C8B: variants seen among roughly 807,000 people sequenced by gnomAD.
C8B encodes complement component C8 beta chain.
A neutral mutation model predicts 64.6 loss-of-function variants in C8B; 67 were observed. The observed-to-expected ratio is 1.04, with a 90% CI of 0.85 to 1.27. The LOEUF (loss-of-function observed/expected upper bound fraction) is 1.27. C8B is among the 50% of genes most tolerant of loss of function. C8B has a pLI of 0.00. For synonymous variants in C8B, 284 were observed against 257.7 expected (o/e 1.10, Z -0.98); for missense variants, 790 against 725.2 (o/e 1.09, Z -1.03).
chr1:56,950,717 C>T (rs1416101204), intron 5 of C8B, among the ~76,000 whole-genome samples: 1 of 152,212 alleles, frequency 6.6e-6, no homozygotes, highest in Non-Finnish European at 1.5e-5. Context: ...CTTGACCTCT[C>T]CATGCCTCAG....
chr1:56,933,605 T>C, intron 9 of C8B, 117 bp from the exon 10 acceptor site: 1 of 839,838 alleles, frequency 1.2e-6, no homozygotes. Context: ...TGTGGGTTCC[T>C]ATGAAACTAG....
intron 9 of C8B, among the ~76,000 whole-genome samples, chr1:56,939,676 T>C (rs141330299): frequency 0.017 from 2,597 of 152,322 alleles, 73 homozygotes; most frequent in South Asian, 0.11. Flanking sequence ...TAGTTTAACA[T>C]TGTAAAACTC....
At chr1:56,956,670 G>C (rs1350098251) in intron 3 of C8B, 99 bp downstream of exon 3, 2 of 1,348,924 alleles carry the variant, frequency 1.5e-6, no homozygotes, top group Non-Finnish European at 2.1e-6. Flanking sequence ...GCTGCCCCAT[G>C]ACCCTGATCT....
chr1:56,959,316 A>G (rs1432643695), intron 2 of C8B, among the ~76,000 whole-genome samples: 1 of 152,248 alleles, frequency 6.6e-6, no homozygotes. Flanking sequence ...TTCACTGTGT[A>G]TTGAAGGTGA....
intron 1 of C8B, among the ~76,000 whole-genome samples, chr1:56,960,416 A>G (rs1165975531): frequency 6.6e-6 from 1 of 152,228 alleles, no homozygotes; most frequent in Non-Finnish European, 1.5e-5. Flanking sequence ...TAATTAATCC[A>G]ACAAATATTT....
intron 10 of C8B, among the ~76,000 whole-genome samples, chr1:56,932,552 C>T (rs1410536499): frequency 6.6e-6 from 1 of 152,046 alleles, no homozygotes; most frequent in Non-Finnish European, 1.5e-5. Context: ...ATGAGCTGAC[C>T]CCACTTGCTG....
intron 1 of C8B, among the ~76,000 whole-genome samples, chr1:56,962,742 C>T (rs1033890330): frequency 6.6e-6 from 1 of 152,178 alleles, no homozygotes; most frequent in African/African-American, 2.4e-5. Context: ...TTTTGCTCCC[C>T]CCACCTTACC....
At chr1:56,943,574 C>T (rs1308784567) in intron 8 of C8B, 122 bp downstream of exon 8, 5 of 1,123,732 alleles carry the variant, frequency 4.4e-6, no homozygotes, top group African/African-American at 1.5e-5. Context: ...AACAGAAGGA[C>T]ATAGTTGGCC....
chr1:56,962,129 G>T (rs1645188297), intron 1 of C8B, among the ~76,000 whole-genome samples: 1 of 152,208 alleles, frequency 6.6e-6, no homozygotes, highest in Non-Finnish European at 1.5e-5. Flanking sequence ...GTACACACTA[G>T]CTATTAAGAG....
intron 7 of C8B, 91 bp from the exon 8 acceptor site, chr1:56,943,915 G>A: frequency 1.4e-6 from 2 of 1,467,172 alleles, no homozygotes; most frequent in Non-Finnish European, 9.4e-7. Flanking sequence ...TAGCCCTGTT[G>A]AATGTCACAA....
intron 1 of C8B, among the ~76,000 whole-genome samples, chr1:56,962,281 T>C (rs1353807016): frequency 6.6e-6 from 1 of 152,218 alleles, no homozygotes; most frequent in African/African-American, 2.4e-5. Context: ...GGTGGCAATA[T>C]AATGAAGTAA....
At chr1:56,933,565 A>G in intron 9 of C8B, 77 bp from the exon 10 acceptor site, 1 of 1,241,770 alleles carries the variant, frequency 8.1e-7, no homozygotes, top group Non-Finnish European at 1.2e-6. Context: ...CTACAAAGGA[A>G]TGGACTGGGA....
In C8B at chr1:56,949,652, A is replaced by G; in HGVS notation, c.767T>C (p.Phe256Ser). The G allele has an allele frequency of 6.2e-7, 1 of 1,614,104 alleles. No individual in the cohort carries two copies. Among genetic ancestry groups the G allele is most frequent in the South Asian group, 1.1e-5 (1 of 91,064 alleles). ...AAATATTCCAGGTATTTTAAAACCA[A>G]AACTGAAACCAGACTTGCTTGCCAT... ...EKMASKSGFSFGFKIPGIFEL... is the reference protein window; with the variant it reads ...EKMASKSGFSSGFKIPGIFEL... The change falls in exon 6 of 12, where the codon TTT becomes TCT. Residue 256 changes from phenylalanine (F) to serine (S), a missense_variant. Coordinates refer to ENST00000371237, the MANE Select transcript of C8B (RefSeq NM_000066.4).
chr1:56,932,781 C>T (rs933101266), intron 10 of C8B, among the ~76,000 whole-genome samples: 6 of 152,168 alleles, frequency 3.9e-5, no homozygotes, highest in Non-Finnish European at 7.4e-5. Flanking sequence ...TCTGCCTTGA[C>T]TCCTGCTGGT....
chr1:56,954,674 A>T lies in C8B; in HGVS notation c.533+12T>A, dbSNP rs1023053865. 3 of 1,614,008 alleles carry T rather than the reference A, an allele frequency of 1.9e-6. No homozygotes were observed. In the African/African-American group the frequency reaches 4.0e-5, roughly 22 times the overall value. ...GCCTTCCCATCTACGCCACAGAAAA[A>T]TGGTCACTTACCCACTGGCCAGACT... On this transcript the variant is annotated intron_variant, in intron 4 of 11. Transcript: ENST00000371237.
At chr1:56,951,042 G>A (rs760945070) in intron 5 of C8B, among the ~76,000 whole-genome samples, 12 of 152,112 alleles carry the variant, frequency 7.9e-5, no homozygotes, top group Non-Finnish European at 1.5e-4. Flanking sequence ...GGGGAGGAAG[G>A]GAAGGAGGAG....
intron 2 of C8B, among the ~76,000 whole-genome samples, chr1:56,959,146 A>G (rs1645141833): frequency 6.6e-6 from 1 of 152,214 alleles, no homozygotes; most frequent in African/African-American, 2.4e-5. Flanking sequence ...TTTCCTGTTT[A>G]TCTGTCTGTT....
intron 5 of C8B, 79 bp from the exon 6 acceptor site, chr1:56,949,831 A>T: frequency 1.0e-6 from 1 of 955,502 alleles, no homozygotes; most frequent in Middle Eastern, 2.4e-4. Context: ...CAGCCACTCT[A>T]CTCCTACCAT....
At position 56,954,847 on chromosome 1, in the gene C8B, T is replaced by A. The variant is rs778372091; in HGVS notation, c.392-20A>T. The A allele has an allele frequency of 6.8e-6, 11 of 1,613,970 alleles. No homozygotes were observed. The highest frequency in any genetic ancestry group is 1.3e-5 in the African/African-American group (1 of 74,926). On this transcript the variant is annotated intron_variant, in intron 3 of 11. Transcript: ENST00000371237. The stretch of plus-strand genomic sequence containing the variant: ...ACCTTCCTAGAATGGAGAAAGAGTA[T>A]TACCCACAGCCACATGGTTGGCAAG...
Sources: allele counts gnomAD v4.1 joint callset (sites outside exome capture counted in the v4.1 genomes callset), GRCh38; gene constraint gnomAD v4.1.1; transcripts MANE v1.5; gene names NCBI Gene and HGNC (gene_info 2026-07-23, HGNC 2026-07-21).